NF1: variants seen among roughly 807,000 people sequenced by gnomAD.
The protein encoded by NF1 is neurofibromin 1.
NF1 carries 122 observed loss-of-function variants against 325.7 expected under a neutral mutation model. The ratio of observed to expected loss-of-function variants is 0.37; its 90% CI spans 0.32 to 0.44. The LOEUF (loss-of-function observed/expected upper bound fraction) is 0.44. Among genes scored for constraint, NF1 ranks in the 20% least tolerant of loss-of-function variants. The pLI, the probability that NF1 is intolerant of heterozygous loss-of-function variation, is 1.00. For missense variants in NF1, 2,140 were observed against 3,415.4 expected, an observed-to-expected ratio of 0.63 and a Z score of 9.31; for synonymous variants, 1,091 against 1,186.0, an observed-to-expected ratio of 0.92 and a Z score of 1.65.
At position 31,278,413 on chromosome 17, in the gene NF1, T is replaced by G. The variant is rs12940046; in HGVS notation, c.4835+13074T>G. On this transcript the variant is annotated intron_variant, in intron 36 of 57. Transcript: ENST00000358273. Reference sequence around the variant, plus strand: ...GTCTTTTTGGATTTTTTGGGTTTTTTTTTTTTTTTTTTTTTTGAAAAGAAC... The same window carrying G: ...GTCTTTTTGGATTTTTTGGGTTTTTGTTTTTTTTTTTTTTTTGAAAAGAAC... Among the ~76,000 whole-genome samples, 428 of 50,564 alleles carry G rather than the reference T, an allele frequency of 8.5e-3. 1 individual carries two copies. The highest frequency in any genetic ancestry group is 0.014 in the Non-Finnish European group (242 of 17,394). 33.2% of individuals were successfully genotyped at this position (50,564 alleles called of 152,430 possible).
chr17:31,258,544 C>A (rs752806794), intron 32 of NF1, 42 bp downstream of exon 32: 1 of 1,602,020 alleles, frequency 6.2e-7, no homozygotes, highest in South Asian at 1.1e-5. Flanking sequence ...ATTCCCCTTC[C>A]AACTAAATTT....
chr17:31,182,702 G>A (rs949940946), intron 8 of NF1, 37 bp downstream of exon 8: 2 of 1,586,596 alleles, frequency 1.3e-6, no homozygotes, highest in Non-Finnish European at 1.7e-6. Flanking sequence ...ATATCTAGAT[G>A]TGAAGCAGTT....
intron 29 of NF1, among the ~76,000 whole-genome samples, chr17:31,246,848 C>T (rs995731996): frequency 6.6e-5 from 10 of 152,086 alleles, no homozygotes; most frequent in South Asian, 2.1e-4. Context: ...AGTCTGCCTG[C>T]GGAATCTCTT....
In NF1 at chr17:31,337,001, T is replaced by C. The variant is rs1311984771; in HGVS notation, c.6427+87T>C. On this transcript the variant is annotated intron_variant, in intron 42 of 57. Transcript: ENST00000358273. ...CAATATAGATTATCTTATTTATGTT[T>C]GTGCTCTAACACCAAGTTGCTAATT... 3 of 1,423,218 alleles carry C rather than the reference T, an allele frequency of 2.1e-6. No individual in the cohort carries two copies. In the African/African-American group the frequency reaches 4.2e-5, roughly 20 times the overall value. The allele number at this position is 1,423,218 out of a possible 1,614,324, so 88.2% of individuals were successfully genotyped here. A position where few individuals can be genotyped will look rare whatever the true frequency, so the allele number is the denominator to read the frequency against.
In NF1 at chr17:31,227,222, A is replaced by T. The variant is rs2067030522; in HGVS notation, c.2256A>T (p.Arg752Ser). The T allele has an allele frequency of 3.1e-6, 5 of 1,613,636 alleles. No individual in the cohort carries two copies. The highest frequency in any genetic ancestry group is 4.2e-6 in the Non-Finnish European group (5 of 1,179,648). Residue 752 changes from arginine to serine, a missense_variant, in exon 19 of 58, where the codon AGA (arginine) becomes AGT (serine). This residue lies in a region of NF1 where 380 missense variants were observed against 639.3 expected (regional missense o/e 0.59). Coordinates refer to ENST00000358273, the MANE Select transcript of NF1 (RefSeq NM_001042492.3). Reference sequence around the variant, plus strand: ...TTTGCTGTTGTATTTGCTTAGGAAGAGCAGCACTTCAGAAAAGAGTGATGG... The same window carrying T: ...TTTGCTGTTGTATTTGCTTAGGAAGTGCAGCACTTCAGAAAAGAGTGATGG... Reference protein sequence around the residue: ...ASVSNMMSTGRAALQKRVMAL... With the variant: ...ASVSNMMSTGSAALQKRVMAL...
intron 11 of NF1, 147 bp downstream of exon 11, chr17:31,201,632 T>C: frequency 3.0e-6 from 2 of 660,654 alleles, no homozygotes; most frequent in Non-Finnish European, 5.4e-6. Context: ...ATGGTGATTC[T>C]ATTTGATAAT....
intron 55 of NF1, 139 bp downstream of exon 55, chr17:31,358,761 C>G: frequency 2.4e-6 from 3 of 1,247,650 alleles, no homozygotes; most frequent in East Asian, 2.4e-5. Context: ...TTTTTACTCT[C>G]TCAACTGTAT....
chr17:31,305,256 C>A, intron 36 of NF1: 3 of 1,614,054 alleles, frequency 1.9e-6, no homozygotes, highest in Non-Finnish European at 2.5e-6. Context: ...ACACGGCTTG[C>A]TGGGAGGAGG....
intron 21 of NF1, 166 bp downstream of exon 21, chr17:31,229,631 A>G: frequency 1.0e-6 from 1 of 998,186 alleles, no homozygotes; most frequent in Non-Finnish European, 1.5e-6. Context: ...CTTGCCTCTT[A>G]GGAACTCTGG....
intron 11 of NF1, among the ~76,000 whole-genome samples, chr17:31,205,093 A>G (rs1026847523): frequency 6.6e-6 from 1 of 152,132 alleles, no homozygotes; most frequent in East Asian, 1.9e-4. Context: ...GTGTATCATA[A>G]GTTGGTTTTA....
chr17:31,212,195 C>T (rs187546316), intron 12 of NF1, among the ~76,000 whole-genome samples: 38 of 152,220 alleles, frequency 2.5e-4, no homozygotes, highest in Admixed American at 6.5e-4. Context: ...CAAACATACA[C>T]GTTAGCCTAG....
intron 3 of NF1, among the ~76,000 whole-genome samples, chr17:31,161,363 TA>T (rs1490290249): frequency 6.6e-6 from 1 of 152,248 alleles, no homozygotes; most frequent in Non-Finnish European, 1.5e-5. Context: ...TGTTTCAGTG[TA>T]TTTGCATCTG....
Position 31,357,314 on chromosome 17 carries a change from C to A in NF1, c.7915C>A (p.Leu2639Ile), listed in dbSNP as rs1057518362. 1 of 1,614,024 alleles carries A rather than the reference C, an allele frequency of 6.2e-7. No homozygotes were observed. The highest frequency in any genetic ancestry group is 1.3e-5 in the African/African-American group (1 of 75,028). The change falls in exon 54 of 58, where the codon CTT becomes ATT. Residue 2639 changes from leucine to isoleucine, a missense_variant. Physicochemically the swap from Leu to Ile is conservative, Grantham distance 5. Around this residue, in one of 10 missense-constraint regions of NF1, gnomAD observed 522 missense variants for 749.0 expected, o/e 0.70. Coordinates refer to ENST00000358273, the MANE Select transcript of NF1 (RefSeq NM_001042492.3). Reference protein sequence around the residue: ...YTTDEFDQRILYEYLAEASVV... With the variant: ...YTTDEFDQRIIYEYLAEASVV... ...CACAGATGAGTTTGATCAACGAATT[C>A]TTTATGAATACTTAGCAGAGGCCAG...
chr17:31,242,311 T>C (rs2067311587), intron 29 of NF1, among the ~76,000 whole-genome samples: 2 of 124,486 alleles, frequency 1.6e-5, no homozygotes, highest in Non-Finnish European at 3.2e-5. Context: ...TTCTCTTTTT[T>C]TTTTTTTTTT....
rs754159326 is a variant in NF1, at chr17:31,219,121, A to G, written c.1641+3A>G. 5.6e-6 allele frequency: 9 copies of G among 1,612,424 alleles called. No individual in the cohort carries two copies. The South Asian group carries it at 7.7e-5, about 14-fold the overall frequency. ...AGATTGCTCAGGAAGCAATGGAGGT[A>G]AGGGGAAAATGAATTCCATGTTCTT... On this transcript the variant is annotated splice_donor_region_variant and intron_variant, in intron 14 of 57. Transcript: ENST00000358273.
intron 1 of NF1, among the ~76,000 whole-genome samples, chr17:31,120,274 T>A (rs1461681848): frequency 6.6e-6 from 1 of 152,220 alleles, no homozygotes; most frequent in East Asian, 1.9e-4. Flanking sequence ...TTGTATCCTC[T>A]TTTATTTCCT....
intron 5 of NF1, among the ~76,000 whole-genome samples, chr17:31,175,634 A>T (rs937729379): frequency 6.6e-6 from 1 of 152,036 alleles, no homozygotes; most frequent in Non-Finnish European, 1.5e-5. Flanking sequence ...CCATCAACGC[A>T]TCATCTACCT....
chr17:31,357,569 T>TGG, intron 54 of NF1, 200 bp downstream of exon 54: 1 of 599,594 alleles, frequency 1.7e-6, no homozygotes. Context: ...GGAAAGACTT[T>TGG]TAAAAAATCT....
At chr17:31,259,201 C>A in intron 33 of NF1, 72 bp downstream of exon 33, 2 of 1,049,308 alleles carry the variant, frequency 1.9e-6, no homozygotes, top group African/African-American at 1.6e-5. Flanking sequence ...AATCCATGTA[C>A]CTGTTTTACA....
Sources: allele counts gnomAD v4.1 joint callset (sites outside exome capture counted in the v4.1 genomes callset), GRCh38; gene constraint gnomAD v4.1.1; regional missense constraint gnomAD v4.1.1; transcripts MANE v1.5; gene names NCBI Gene and HGNC (gene_info 2026-07-23, HGNC 2026-07-21).